Variants in SYNE1 observed in about 807,000 individuals in gnomAD.
The protein encoded by SYNE1 is nesprin-1.
SYNE1 carries 616 observed loss-of-function variants against 1,111.0 expected under a neutral mutation model. That is an observed-to-expected ratio of 0.55 (90% CI 0.52 to 0.59). SYNE1 has a LOEUF of 0.59. SYNE1 is among the 20% of genes least tolerant of loss of function. The pLI is 0.00. For synonymous variants in SYNE1, 3,855 were observed against 3,825.8 expected, an observed-to-expected ratio of 1.01 and a Z score of -0.28; for missense variants, 10,006 against 10,417.0, an observed-to-expected ratio of 0.96 and a Z score of 1.72.
intron 3 of SYNE1, among the ~76,000 whole-genome samples, chr6:152,605,792 T>G (rs1178689111): frequency 6.6e-6 from 1 of 152,210 alleles, no homozygotes; most frequent in Non-Finnish European, 1.5e-5. Flanking sequence ...TAGCTGTGAT[T>G]AAGGCTTGGT....
At position 152,358,413 on chromosome 6, in the gene SYNE1, C is replaced by G; in HGVS notation, c.10568G>C (p.Gly3523Ala). The G allele has an allele frequency of 6.2e-7, 1 of 1,614,190 alleles. No homozygotes were observed. Among genetic ancestry groups the G allele is most frequent in the Non-Finnish European group, 8.5e-7 (1 of 1,180,030 alleles). ...EKLDQYSVLE[G>A]DAHTHETTLR... ...TGTTGTCTCATGAGTGTGGGCATCA[C>G]CTTCAAGAACTGAATACTGGTCGAG... The change falls in exon 66 of 146, where the codon GGT becomes GCT. Residue 3523 changes from glycine to alanine, a missense_variant. Coordinates refer to ENST00000367255, the MANE Select transcript of SYNE1 (RefSeq NM_182961.4).
At chr6:152,410,113 A>G (rs534895162) in intron 42 of SYNE1, among the ~76,000 whole-genome samples, 8 of 152,354 alleles carry the variant, frequency 5.3e-5, no homozygotes, top group African/African-American at 1.7e-4. Flanking sequence ...AACAACAATA[A>G]AACAAAACAT....
At chr6:152,426,872 G>A (rs908245175) in intron 38 of SYNE1, among the ~76,000 whole-genome samples, 1 of 152,204 alleles carries the variant, frequency 6.6e-6, no homozygotes, top group African/African-American at 2.4e-5. Flanking sequence ...AGATTCCGAT[G>A]CTATAGACAC....
chr6:152,281,366 C>T (rs2094017483), intron 97 of SYNE1, among the ~76,000 whole-genome samples: 1 of 152,148 alleles, frequency 6.6e-6, no homozygotes, highest in African/African-American at 2.4e-5. Context: ...TTCAGTCTCC[C>T]TGTTTGCCTA....
intron 4 of SYNE1, among the ~76,000 whole-genome samples, chr6:152,527,829 G>T (rs762299172): frequency 6.6e-6 from 1 of 152,122 alleles, no homozygotes; most frequent in African/African-American, 2.4e-5. Flanking sequence ...CATCTGTTTC[G>T]ATTTTAAAAA....
At chr6:152,281,353 A>T (rs1213008212) in intron 97 of SYNE1, among the ~76,000 whole-genome samples, 1 of 152,214 alleles carries the variant, frequency 6.6e-6, no homozygotes, top group Non-Finnish European at 1.5e-5. Context: ...CAGCCTTCCC[A>T]TCTTCAGTCT....
intron 130 of SYNE1, chr6:152,168,277 C>T (rs2064180450): frequency 4.7e-6 from 3 of 639,400 alleles, no homozygotes; most frequent in Non-Finnish European, 8.4e-6. Context: ...AAAGTTTCCC[C>T]TTGTCTGTGT....
chr6:152,428,740 C>T (rs2098399372), intron 36 of SYNE1, among the ~76,000 whole-genome samples: 1 of 152,062 alleles, frequency 6.6e-6, no homozygotes, highest in African/African-American at 2.4e-5. Flanking sequence ...ATCACATGTG[C>T]ACCCCCAAAA....
intron 24 of SYNE1, among the ~76,000 whole-genome samples, chr6:152,453,954 T>C (rs1265985898): frequency 6.6e-6 from 1 of 152,230 alleles, no homozygotes; most frequent in Non-Finnish European, 1.5e-5. Flanking sequence ...AAAAATTCTT[T>C]GTGATTTTCA....
chr6:152,242,527 G>A (rs967505441), intron 106 of SYNE1, 87 bp from the exon 107 acceptor site: 119 of 1,467,072 alleles, frequency 8.1e-5, no homozygotes, highest in South Asian at 3.7e-4. Context: ...CACCAAGCCC[G>A]AGACCCAACC....
intron 3 of SYNE1, among the ~76,000 whole-genome samples, chr6:152,598,788 C>T (rs2128616928): frequency 6.6e-6 from 1 of 152,280 alleles, no homozygotes; most frequent in East Asian, 1.9e-4. Flanking sequence ...AATATACATT[C>T]AATATGTGAT....
At chr6:152,372,768 G>C (rs1265171920) in intron 59 of SYNE1, among the ~76,000 whole-genome samples, 1 of 152,234 alleles carries the variant, frequency 6.6e-6, no homozygotes, top group Non-Finnish European at 1.5e-5. Context: ...CTGCTGAAAT[G>C]TAAAACTGGC....
rs1055530502 is a variant in SYNE1 at position 152,224,623 on chromosome 6, T to C, written c.21393A>G (p.Gln7131=). The change falls in exon 117 of 146, where the codon CAA becomes CAG. Residue 7131 remains glutamine, a synonymous_variant. Transcript: ENST00000367255. The part of the protein sequence containing the change: ...LKILLKSVLD[Q]WSSHKVAFDK... ...CAAAGGCCACTTTGTGACTACTCCA[T>C]TGGTCAAGCACTGATTTCAGCAGTA... 6.2e-7 allele frequency: 1 copy of C among 1,613,964 alleles called. No individual in the cohort carries two copies. The highest frequency in any genetic ancestry group is 1.3e-5 in the African/African-American group (1 of 75,014).
chr6:152,257,892 T>A (rs1443371709), intron 101 of SYNE1, among the ~76,000 whole-genome samples: 1 of 152,130 alleles, frequency 6.6e-6, no homozygotes, highest in African/African-American at 2.4e-5. Context: ...AAGCAAACCT[T>A]GATTCTTAAA....
intron 78 of SYNE1, among the ~76,000 whole-genome samples, chr6:152,327,933 C>T (rs1248098517): frequency 6.7e-6 from 1 of 149,990 alleles, no homozygotes; most frequent in African/African-American, 2.5e-5. Context: ...TTAAAGTGTA[C>T]TAGTTTTTAG....
intron 3 of SYNE1, among the ~76,000 whole-genome samples, chr6:152,619,166 T>C (rs1193367154): frequency 6.6e-6 from 1 of 152,206 alleles, no homozygotes; most frequent in Non-Finnish European, 1.5e-5. Flanking sequence ...TTTCTTAAGA[T>C]ATATGAGGGA....
intron 127 of SYNE1, among the ~76,000 whole-genome samples, chr6:152,200,472 T>C (rs956262326): frequency 6.6e-6 from 1 of 152,022 alleles, no homozygotes; most frequent in South Asian, 2.1e-4. Flanking sequence ...GGTGTGATCA[T>C]AGCTCACTGC....
chr6:152,218,800 C>T (rs1161800046), intron 120 of SYNE1, among the ~76,000 whole-genome samples: 1 of 151,470 alleles, frequency 6.6e-6, no homozygotes, highest in African/African-American at 2.5e-5. Context: ...CATCTTAAAC[C>T]GATTTTAAAA....
intron 28 of SYNE1, among the ~76,000 whole-genome samples, chr6:152,448,424 C>T (rs2098612484): frequency 6.6e-6 from 1 of 151,932 alleles, no homozygotes; most frequent in Admixed American, 6.6e-5. Flanking sequence ...GTGATCTCTT[C>T]ATTCTAGGAT....
Sources: allele counts gnomAD v4.1 joint callset (sites outside exome capture counted in the v4.1 genomes callset), GRCh38; gene constraint gnomAD v4.1.1; transcripts MANE v1.5; gene names NCBI Gene and HGNC (gene_info 2026-07-23, HGNC 2026-07-21).